PRPH: variants seen among roughly 807,000 people sequenced by gnomAD.
The protein encoded by PRPH is neurofilament 4 (57kD).
PRPH carries 48 observed loss-of-function variants against 52.6 expected under a neutral mutation model. The ratio of observed to expected loss-of-function variants is 0.91; its 90% confidence interval spans 0.72 to 1.16. PRPH has a LOEUF of 1.16. PRPH is among the 50% of genes most tolerant of loss of function. PRPH has a pLI of 0.00. For missense variants in PRPH, 579 were observed against 635.7 expected (o/e 0.91, Z 0.96); for synonymous variants, 279 against 283.8 (o/e 0.98, Z 0.17).
At position 49,297,141 on chromosome 12, in the gene PRPH, T is replaced by C. The variant is rs1943193489; in HGVS notation, c.871-7T>C. The stretch of plus-strand genomic sequence containing the variant: ...CGACTAAAGCCTGGGTTACCCCCAC[T>C]TCTCAGTACGCGGACCTGTCCGACG... On this transcript the variant is annotated splice_polypyrimidine_tract_variant and splice_region_variant and intron_variant, in intron 4 of 8. Coordinates refer to ENST00000257860, the MANE Select transcript of PRPH (RefSeq NM_006262.4). The surrounding 1 kb of genome is among the most constrained non-coding windows in gnomAD (Gnocchi z 4.4). 1.2e-6 allele frequency: 2 copies of C among 1,613,986 alleles called. No homozygotes were observed. The highest frequency in any genetic ancestry group is 4.5e-5 in the East Asian group (2 of 44,856).
In PRPH at chr12:49,298,323, G is replaced by C. The variant is rs890579840; in HGVS notation, c.1383G>C (p.Glu461Asp). 6.2e-7 allele frequency: 1 copy of C among 1,614,080 alleles called. No homozygotes were observed. The highest frequency in any genetic ancestry group is 8.5e-7 in the Non-Finnish European group (1 of 1,180,042). The change falls in exon 9 of 9, where the codon GAG becomes GAC. Residue 461 changes from glutamate to aspartate, a missense_variant. Physicochemically the swap from Glu to Asp is conservative, Grantham distance 45. Transcript: ENST00000257860. ...AGTCCCAGAAGGAGCAGCGCAGTGAGCTGGACAAGTCTTCTGCCCACAGTT... is the reference window on the plus strand; with the variant it reads ...AGTCCCAGAAGGAGCAGCGCAGTGACCTGGACAAGTCTTCTGCCCACAGTT... ...VTESQKEQRSELDKSSAHSY is the reference protein window; with the variant it reads ...VTESQKEQRSDLDKSSAHSY
rs776857953 is a variant in PRPH at position 49,296,246 on chromosome 12, C to T, written c.606+8C>T. The stretch of plus-strand genomic sequence containing the variant: ...CTCGTGCTCTTCCGCAAGGTGAGTC[C>T]GAGCCCCTCTCCGAGTTCAGCCTCC... On this transcript the variant is annotated splice_region_variant and intron_variant, in intron 2 of 8. Transcript: ENST00000257860. This position sits in a 1 kb window ranked among gnomAD's most constrained non-coding sequence, Gnocchi z 5.1. 1.9e-6 allele frequency: 3 copies of T among 1,612,578 alleles called. No individual in the cohort carries two copies. In the South Asian group the frequency reaches 3.3e-5, roughly 18 times the overall value.
Position 49,297,781 on chromosome 12 carries a change from C to G in PRPH, c.1267+55C>G, listed in dbSNP as rs1840858865. ...CTTGTCCACTTCTGCCCTCCTCGGGCTCTTGCTCTGGCTCACCTCAGGGAT... is the reference window on the plus strand; with the variant it reads ...CTTGTCCACTTCTGCCCTCCTCGGGGTCTTGCTCTGGCTCACCTCAGGGAT... On this transcript the variant is annotated intron_variant, in intron 7 of 8. Transcript: ENST00000257860. The surrounding 1 kb of genome is among the most constrained non-coding windows in gnomAD (Gnocchi z 4.4). 1 of 1,611,476 alleles carries G rather than the reference C, an allele frequency of 6.2e-7. No homozygotes were observed. The highest frequency in any genetic ancestry group is 1.3e-5 in the African/African-American group (1 of 74,998).
rs760653849 is a variant in PRPH at position 49,297,694 on chromosome 12, A to C, written c.1235A>C (p.His412Pro). 1.2e-6 allele frequency: 2 copies of C among 1,613,700 alleles called. No homozygotes were observed. The highest frequency in any genetic ancestry group is 4.5e-5 in the East Asian group (2 of 44,856). Reference sequence around the variant, plus strand: ...GCCTCTAGGATCTCCGTGCCCGTCCATTCTTTTGCCTCCTTAAATATAAAG... The same window carrying C: ...GCCTCTAGGATCTCCGTGCCCGTCCCTTCTTTTGCCTCCTTAAATATAAAG... Reference protein sequence around the residue: ...GEESRISVPVHSFASLNIKTT... With the variant: ...GEESRISVPVPSFASLNIKTT... The change falls in exon 7 of 9, where the codon CAT becomes CCT. Residue 412 changes from histidine to proline, a missense_variant. By Grantham distance (77) the His-to-Pro change is moderately conservative. Transcript: ENST00000257860. The surrounding 1 kb of genome is among the most constrained non-coding windows in gnomAD (Gnocchi z 4.4).
Position 49,297,428 on chromosome 12 carries a change from G to T in PRPH, c.1068G>T (p.Ala356=). Residue 356 remains alanine (A), a synonymous_variant, in exon 6 of 9, where the codon GCG becomes GCT. Coordinates refer to ENST00000257860, the MANE Select transcript of PRPH (RefSeq NM_006262.4). This position sits in a 1 kb window ranked among gnomAD's most constrained non-coding sequence, Gnocchi z 4.4. The part of the protein sequence containing the change: ...QFALEAGGYQ[A]GAARLEEELR... ...CCCTGGAGGCGGGGGGCTACCAGGC[G>T]GGCGCTGCGCGGCTCGAGGAGGAGC... 1 of 1,610,358 alleles carries T rather than the reference G, an allele frequency of 6.2e-7. No individual in the cohort carries two copies. Among genetic ancestry groups the T allele is most frequent in the African/African-American group, 1.3e-5 (1 of 75,000 alleles).
chr12:49,298,441 G>T lies in PRPH; in HGVS notation c.*88G>T. 2.8e-6 allele frequency: 4 copies of T among 1,422,654 alleles called. No individual in the cohort carries two copies. The highest frequency in any genetic ancestry group is 3.9e-6 in the Non-Finnish European group (4 of 1,015,442). 88.1% of individuals were successfully genotyped at this position (1,422,654 alleles called of 1,614,324 possible). A position where few individuals can be genotyped will look rare whatever the true frequency, so the allele number is the denominator to read the frequency against. ...CTCCTGAATTGTCTCCTCTCCCTCTGCATGTGTCTAAAAGGTGGTACCAGG... is the reference window on the plus strand; with the variant it reads ...CTCCTGAATTGTCTCCTCTCCCTCTTCATGTGTCTAAAAGGTGGTACCAGG... On this transcript the variant is annotated 3_prime_UTR_variant, in exon 9 of 9. Coordinates refer to ENST00000257860, the MANE Select transcript of PRPH (RefSeq NM_006262.4).
chr12:49,297,828 T>A lies in PRPH; in HGVS notation c.1267+102T>A, dbSNP rs1011846226. ...GGATCTCTTCTCCCCACGGAACTTCTGGGTCCTGGCCTGTACCCACCCCTA... is the reference window on the plus strand; with the variant it reads ...GGATCTCTTCTCCCCACGGAACTTCAGGGTCCTGGCCTGTACCCACCCCTA... On this transcript the variant is annotated intron_variant, in intron 7 of 8. Coordinates refer to ENST00000257860, the MANE Select transcript of PRPH (RefSeq NM_006262.4). The surrounding 1 kb of genome is among the most constrained non-coding windows in gnomAD (Gnocchi z 4.4). 7 of 1,596,628 alleles carry A rather than the reference T, an allele frequency of 4.4e-6. No individual in the cohort carries two copies. Among genetic ancestry groups the A allele is most frequent in the Non-Finnish European group, 6.0e-6 (7 of 1,164,778 alleles).
chr12:49,298,316 G>T lies in PRPH; in HGVS notation c.1376G>T (p.Arg459Leu), dbSNP rs982729267. Residue 459 changes from arginine (R) to leucine (L), a missense_variant, in exon 9 of 9, where the codon CGC (arginine) becomes CTC (leucine). Transcript: ENST00000257860. ...GTGACAGAGTCCCAGAAGGAGCAGCGCAGTGAGCTGGACAAGTCTTCTGCC... is the reference window on the plus strand; with the variant it reads ...GTGACAGAGTCCCAGAAGGAGCAGCTCAGTGAGCTGGACAAGTCTTCTGCC... The part of the protein sequence containing the change: ...EVVTESQKEQ[R>L]SELDKSSAHS... The T allele has an allele frequency of 6.2e-7, 1 of 1,614,168 alleles. No individual in the cohort carries two copies. The highest frequency in any genetic ancestry group is 8.5e-7 in the Non-Finnish European group (1 of 1,180,026).
At position 49,295,325 on chromosome 12, in the gene PRPH, G is replaced by T. The variant is rs1386120108; in HGVS notation, c.125G>T (p.Ser42Ile). 2 of 1,611,148 alleles carry T rather than the reference G, an allele frequency of 1.2e-6. No individual in the cohort carries two copies. The highest frequency in any genetic ancestry group is 1.7e-6 in the Non-Finnish European group (2 of 1,179,498). The stretch of plus-strand genomic sequence containing the variant: ...TACTCGTCCAGCTCCCGCTTCTCCA[G>T]CAGCCGCCTGCTGGGCTCCGCGTCC... ...FSYSSSSRFS[S>I]SRLLGSASPS... Residue 42 changes from serine (S) to isoleucine (I), a missense_variant, in exon 1 of 9, where the codon AGC becomes ATC. Physicochemically the swap from Ser to Ile is moderately radical, Grantham distance 142 (BLOSUM62 -2). Transcript: ENST00000257860.
Position 49,297,270 on chromosome 12 carries a change from C to G in PRPH, c.993C>G (p.Gly331=). 6.2e-7 allele frequency: 1 copy of G among 1,614,006 alleles called. No individual in the cohort carries two copies. The highest frequency in any genetic ancestry group is 8.5e-7 in the Non-Finnish European group (1 of 1,179,996). The change falls in exon 5 of 9, where the codon GGC becomes GGG. Residue 331 remains glycine, a synonymous_variant. Coordinates refer to ENST00000257860, the MANE Select transcript of PRPH (RefSeq NM_006262.4). The surrounding 1 kb of genome is among the most constrained non-coding windows in gnomAD (Gnocchi z 4.4). ...SLTCEVDGLR[G]TNEALLRQLR... is the part of the protein sequence containing the mutation. Reference sequence around the variant, plus strand: ...CGTGCGAGGTGGACGGGCTGCGCGGCACGGTGAGTACGAAGCTGCGCGCTC... The same window carrying G: ...CGTGCGAGGTGGACGGGCTGCGCGGGACGGTGAGTACGAAGCTGCGCGCTC...
chr12:49,298,344 CA>C lies in PRPH; in HGVS notation c.1405del (p.Ser469ValfsTer10), dbSNP rs748935383. Reference sequence around the variant, plus strand: ...GTGAGCTGGACAAGTCTTCTGCCCACAGTTACTGAACCCCTTGGTCCGGAGC... The same window carrying C: ...GTGAGCTGGACAAGTCTTCTGCCCACGTTACTGAACCCCTTGGTCCGGAGC... ...RSELDKSSAHSY is the reference protein window; with the variant it reads ...RSELDKSSAHXY On this transcript the variant is annotated frameshift_variant, in exon 9 of 9. Coordinates refer to ENST00000257860, the MANE Select transcript of PRPH (RefSeq NM_006262.4). LOFTEE classifies it high-confidence loss of function. 1 of 1,614,214 alleles carries C rather than the reference CA, an allele frequency of 6.2e-7. No individual in the cohort carries two copies. Among genetic ancestry groups the C allele is most frequent in the Non-Finnish European group, 8.5e-7 (1 of 1,180,028 alleles).
In PRPH at chr12:49,296,744, C is replaced by A; in HGVS notation, c.703-145C>A. 7.4e-7 allele frequency: 1 copy of A among 1,349,118 alleles called. No individual in the cohort carries two copies. The highest frequency in any genetic ancestry group is 1.0e-6 in the Non-Finnish European group (1 of 994,074). 83.6% of individuals were successfully genotyped at this position (1,349,118 alleles called of 1,614,324 possible). On this transcript the variant is annotated intron_variant, in intron 3 of 8. Transcript: ENST00000257860. This position sits in a 1 kb window ranked among gnomAD's most constrained non-coding sequence, Gnocchi z 5.1. ...CGAAACCTGGCCTCTGGTCTCGCGC[C>A]CGCGGGGGCGCAGGGCTGTACGCCC...
At position 49,296,121 on chromosome 12, in the gene PRPH, G is replaced by A; in HGVS notation, c.546-57G>A. 2 of 1,564,600 alleles carry A rather than the reference G, an allele frequency of 1.3e-6. No homozygotes were observed. Among genetic ancestry groups the A allele is most frequent in the Non-Finnish European group, 1.7e-6 (2 of 1,148,794 alleles). ...CCGGATCCTGGGGGGCGTGCGGTCT[G>A]GGGTGCGAGCTGGGCGGCGACCCCG... On this transcript the variant is annotated intron_variant, in intron 1 of 8. Transcript: ENST00000257860. This position sits in a 1 kb window ranked among gnomAD's most constrained non-coding sequence, Gnocchi z 5.1.
intron 1 of PRPH, chr12:49,295,976 C>T: frequency 1.4e-6 from 2 of 1,418,870 alleles, no homozygotes; most frequent in South Asian, 2.8e-5. Flanking sequence ...ATCTGTGCCT[C>T]CCCTGAGTAA....
chr12:49,295,962 G>T, intron 1 of PRPH: 2 of 1,430,958 alleles, frequency 1.4e-6, no homozygotes, highest in Admixed American at 2.4e-5. Context: ...TGGGAGAAGT[G>T]GGTATCTGTG....
At position 49,297,517 on chromosome 12, in the gene PRPH, A is replaced by G; in HGVS notation, c.1157A>G (p.Lys386Arg). Residue 386 changes from lysine (K) to arginine (R), a missense_variant, in exon 6 of 9, where the codon AAG (lysine) becomes AGG (arginine). Transcript: ENST00000257860. The surrounding 1 kb of genome is among the most constrained non-coding windows in gnomAD (Gnocchi z 4.4). ...GAGTACCAGGAGCTCCTCAACGTCA[A>G]GATGGCCCTGGACATCGAGATCGCC... ...LREYQELLNV[K>R]MALDIEIATY... 4 of 1,610,722 alleles carry G rather than the reference A, an allele frequency of 2.5e-6. No individual in the cohort carries two copies. Among genetic ancestry groups the G allele is most frequent in the Non-Finnish European group, 3.4e-6 (4 of 1,179,090 alleles).
Position 49,295,700 on chromosome 12 carries a change from TG to T in PRPH, c.502del (p.Glu168SerfsTer47), listed in dbSNP as rs893743919. ...GGCCGCGAGCGTGACCGGGTGCAGG[TG>T]GAGCGCGACGGGCTGGCGGAGGACC... ...LLGRERDRVQ[V>X]ERDGLAEDLA... On this transcript the variant is annotated frameshift_variant, in exon 1 of 9. Transcript: ENST00000257860. LOFTEE classifies it high-confidence loss of function. 18 of 1,529,234 alleles carry T rather than the reference TG, an allele frequency of 1.2e-5. No homozygotes were observed. In the African/African-American group the frequency reaches 2.5e-4, roughly 21 times the overall value. 94.7% of individuals were successfully genotyped at this position (1,529,234 alleles called of 1,614,324 possible).
chr12:49,296,361 G>A lies in PRPH; in HGVS notation c.607-71G>A. 1.9e-6 allele frequency: 3 copies of A among 1,575,400 alleles called. No individual in the cohort carries two copies. The highest frequency in any genetic ancestry group is 2.2e-5 in the South Asian group (2 of 89,698). ...CCCAGATGCCTCCTGAGGCAGACAG[G>A]GAAGGCCTGGTCCTTCCTTGGTCTG... On this transcript the variant is annotated intron_variant, in intron 2 of 8. Transcript: ENST00000257860. This position sits in a 1 kb window ranked among gnomAD's most constrained non-coding sequence, Gnocchi z 5.1.
In PRPH at chr12:49,297,298, G is replaced by C; in HGVS notation, c.996+25G>C. 6.2e-7 allele frequency: 1 copy of C among 1,613,746 alleles called. No individual in the cohort carries two copies. Among genetic ancestry groups the C allele is most frequent in the South Asian group, 1.1e-5 (1 of 91,080 alleles). ...GGTGAGTACGAAGCTGCGCGCTCGG[G>C]CCCGGGGAGCGGACGATGAAATGTT... On this transcript the variant is annotated intron_variant, in intron 5 of 8. Transcript: ENST00000257860. This position sits in a 1 kb window ranked among gnomAD's most constrained non-coding sequence, Gnocchi z 4.4.
Sources: allele counts gnomAD v4.1 joint callset, GRCh38; gene constraint gnomAD v4.1.1; non-coding constraint Gnocchi (gnomAD v3.1); transcripts MANE v1.5; gene names NCBI Gene and HGNC (gene_info 2026-07-23, HGNC 2026-07-21).